The following ITIH2 variants were observed in gnomAD, a reference collection of about 807,000 sequenced individuals.
ITIH2 encodes inter-alpha-trypsin inhibitor heavy chain H2.
In ITIH2, 103 loss-of-function variants were observed where a neutral mutation model predicts 104.4. That is an observed-to-expected ratio of 0.99 (90% CI 0.84 to 1.16). The LOEUF is 1.16. ITIH2 is among the 50% of genes most tolerant of loss of function. The pLI, the probability that ITIH2 is intolerant of heterozygous loss-of-function variation, is 0.00. For synonymous variants in ITIH2, 436 were observed against 435.4 expected (o/e 1.00, Z -0.02); for missense variants, 1,108 against 1,162.4 (o/e 0.95, Z 0.68).
chr10:7,712,228 C>T (rs1338139476), intron 4 of ITIH2, among the ~76,000 whole-genome samples: 1 of 151,960 alleles, frequency 6.6e-6, no homozygotes, highest in Non-Finnish European at 1.5e-5. Context: ...ATCAAGATGC[C>T]CAAGGATTTC....
chr10:7,744,710 T>C, intron 18 of ITIH2, 81 bp from the exon 19 acceptor site: 1 of 1,180,988 alleles, frequency 8.5e-7, no homozygotes, highest in East Asian at 2.5e-5. Context: ...GAGTGAAGAG[T>C]TCATATTAGG....
intron 6 of ITIH2, among the ~76,000 whole-genome samples, chr10:7,720,580 A>C (rs1203548055): frequency 6.6e-6 from 1 of 152,180 alleles, no homozygotes; most frequent in Non-Finnish European, 1.5e-5. Flanking sequence ...GCTCTTATAA[A>C]TAAAAAGACT....
In ITIH2 at chr10:7,730,421, C is replaced by T. The variant is rs567620202; in HGVS notation, c.1461+288C>T. Among the ~76,000 whole-genome samples the T allele has an allele frequency of 2.6e-5, 4 of 152,344 alleles. No individual in the cohort carries two copies. In the South Asian group the frequency reaches 8.3e-4, roughly 32 times the overall value. Reference sequence around the variant, plus strand: ...CGTCATCAAAGCTCCTTGTAGCTCTCCTGCCCCACCAGCAATTGGTCTTCT... The same window carrying T: ...CGTCATCAAAGCTCCTTGTAGCTCTTCTGCCCCACCAGCAATTGGTCTTCT... On this transcript the variant is annotated intron_variant, in intron 12 of 20. Coordinates refer to ENST00000358415, the MANE Select transcript of ITIH2 (RefSeq NM_002216.3).
Position 7,707,206 on chromosome 10 carries a change from C to A in ITIH2, c.165C>A (p.Ser55Arg). 1.2e-6 allele frequency: 2 copies of A among 1,601,684 alleles called. No individual in the cohort carries two copies. The highest frequency in any genetic ancestry group is 2.2e-5 in the East Asian group (1 of 44,786). ...TGTCTAACTTCCTTTCACAGAGAAG[C>A]CTTCCAGGAGAATCGGAAGAAATGA... ...LVAENRRYQR[S>R]LPGESEEMME... Residue 55 changes from serine to arginine, a missense_variant, in exon 3 of 21, where the codon AGC (serine) becomes AGA (arginine). Physicochemically the swap from Ser to Arg is moderately radical, Grantham distance 110. Transcript: ENST00000358415.
Position 7,744,827 on chromosome 10 carries a change from T to G in ITIH2, c.2445T>G (p.Thr815=). Residue 815 remains threonine, a synonymous_variant, in exon 19 of 21, where the codon ACT becomes ACG. Transcript: ENST00000358415. ...CAGTGAAGAAAGAAAAAGTGGTAAC[T>G]ATCACCCTGGATAAAGAGATGTCCT... ...QISVKKEKVV[T]ITLDKEMSFS... is the part of the protein sequence containing the mutation. The G allele has an allele frequency of 6.2e-7, 1 of 1,614,110 alleles. No homozygotes were observed. Among genetic ancestry groups the G allele is most frequent in the South Asian group, 1.1e-5 (1 of 91,076 alleles).
intron 2 of ITIH2, 143 bp from the exon 3 acceptor site, chr10:7,707,058 T>G: frequency 2.0e-6 from 1 of 492,430 alleles, no homozygotes; most frequent in South Asian, 4.5e-5. Context: ...ATATTCAATA[T>G]TTATGTCTCA....
intron 6 of ITIH2, 151 bp downstream of exon 6, chr10:7,717,939 G>GACCACC: frequency 1.4e-6 from 1 of 719,472 alleles, no homozygotes; most frequent in South Asian, 2.3e-5. Context: ...TGGTGGGTTT[G>GACCACC]GAGTCAGCCA....
rs1369024364 is a variant in ITIH2 at position 7,744,105 on chromosome 10, G to T, written c.2233G>T (p.Val745Phe). 1 of 1,613,924 alleles carries T rather than the reference G, an allele frequency of 6.2e-7. No homozygotes were observed. The highest frequency in any genetic ancestry group is 8.5e-7 in the Non-Finnish European group (1 of 1,179,948). ...ESGIVVNGQL[V>F]GAKKPNNGKL... Reference sequence around the variant, plus strand: ...AGGAATTGTAGTCAACGGTCAGCTTGTTGGTGCCAAGAAGCCCAACAATGG... The same window carrying T: ...AGGAATTGTAGTCAACGGTCAGCTTTTTGGTGCCAAGAAGCCCAACAATGG... Residue 745 changes from valine (V) to phenylalanine (F), a missense_variant, in exon 18 of 21, where the codon GTT (valine) becomes TTT (phenylalanine). By Grantham distance (50) the Val-to-Phe change is conservative. Transcript: ENST00000358415.
intron 20 of ITIH2, 28 bp downstream of exon 20, chr10:7,746,732 G>A (rs755549213): frequency 9.2e-6 from 13 of 1,406,178 alleles, no homozygotes; most frequent in African/African-American, 4.2e-5. Flanking sequence ...GGACAGTGAC[G>A]AAAAGGCCTT....
In ITIH2 at chr10:7,709,052, T is replaced by C. The variant is rs1164622857; in HGVS notation, c.223T>C (p.Tyr75His). 1 of 1,614,120 alleles carries C rather than the reference T, an allele frequency of 6.2e-7. No individual in the cohort carries two copies. The highest frequency in any genetic ancestry group is 1.7e-5 in the Admixed American group (1 of 60,012). ...GGTTGATCAAGTAACTCTTTATAGC[T>C]ATAAAGTCCAGTCTACTATTACTTC... is the stretch of plus-strand genomic sequence containing the variant. ...EEVDQVTLYS[Y>H]KVQSTITSRM... Residue 75 changes from tyrosine to histidine, a missense_variant, in exon 4 of 21, where the codon TAT becomes CAT. Coordinates refer to ENST00000358415, the MANE Select transcript of ITIH2 (RefSeq NM_002216.3).
Position 7,744,243 on chromosome 10 carries a change from T to A in ITIH2, c.2371T>A (p.Leu791Met). 1 of 1,614,132 alleles carries A rather than the reference T, an allele frequency of 6.2e-7. No homozygotes were observed. The highest frequency in any genetic ancestry group is 8.5e-7 in the Non-Finnish European group (1 of 1,179,992). The stretch of plus-strand genomic sequence containing the variant: ...GAGCCATGGTTCTAGCACATTCTCC[T>A]TGTCCTGGTCCGACACGGCTCAAGT... ...TLSHGSSTFS[L>M]SWSDTAQVTN... Residue 791 changes from leucine to methionine, a missense_variant, in exon 18 of 21, where the codon TTG becomes ATG. By Grantham distance (15) the Leu-to-Met change is conservative. Coordinates refer to ENST00000358415, the MANE Select transcript of ITIH2 (RefSeq NM_002216.3).
intron 9 of ITIH2, 84 bp from the exon 10 acceptor site, chr10:7,726,866 C>A: frequency 8.6e-7 from 1 of 1,164,964 alleles, no homozygotes; most frequent in Non-Finnish European, 1.2e-6. Flanking sequence ...TGAAAGATGA[C>A]CAGGATCAAT....
chr10:7,708,948 T>A, intron 3 of ITIH2, 74 bp from the exon 4 acceptor site: 2 of 1,266,674 alleles, frequency 1.6e-6, no homozygotes, highest in Non-Finnish European at 2.3e-6. Context: ...GTTGTTAACA[T>A]CAAATGCACT....
chr10:7,731,873 A>G lies in ITIH2; in HGVS notation c.1524A>G (p.Thr508=), dbSNP rs34533278. 707 of 1,613,920 alleles carry G rather than the reference A, an allele frequency of 4.4e-4. 2 individuals carry two copies. In the Middle Eastern group the frequency reaches 5.4e-3, roughly 12 times the overall value. Residue 508 remains threonine, a synonymous_variant, in exon 13 of 21, where the codon ACA becomes ACG. Transcript: ENST00000358415. The part of the protein sequence containing the change: ...LRNVQFNYPH[T]SVTDVTQNNF... ...ATGTTCAGTTCAACTATCCCCATAC[A>G]TCAGTCACGGACGTCACTCAAAACA... is the stretch of plus-strand genomic sequence containing the variant.
At position 7,740,666 on chromosome 10, in the gene ITIH2, G is replaced by T. The variant is rs187529288; in HGVS notation, c.2095+1908G>T. 4.6e-5 allele frequency among the ~76,000 whole-genome samples: 7 copies of T among 152,314 alleles called. 1 individual carries two copies. The East Asian group carries it at 1.2e-3, about 25-fold the overall frequency. ...TCTCTTCTCTGTTGTATGATGTAGTGAAAAGGATGAGGACTTCAAAGTTAG... is the reference window on the plus strand; with the variant it reads ...TCTCTTCTCTGTTGTATGATGTAGTTAAAAGGATGAGGACTTCAAAGTTAG... On this transcript the variant is annotated intron_variant, in intron 16 of 20. Transcript: ENST00000358415.
At chr10:7,747,509 G>A (rs1029368284) in intron 20 of ITIH2, among the ~76,000 whole-genome samples, 3 of 152,262 alleles carry the variant, frequency 2.0e-5, no homozygotes, top group East Asian at 1.9e-4. Context: ...ATGAGGTACC[G>A]ACGGGAATCA....
At chr10:7,735,669 C>CTT (rs1835048138) in intron 15 of ITIH2, among the ~76,000 whole-genome samples, 1 of 144,008 alleles carries the variant, frequency 6.9e-6, no homozygotes, top group African/African-American at 2.6e-5. Flanking sequence ...CTTTTCTTTT[C>CTT]TTTTCTTTTT....
In ITIH2 at chr10:7,709,005, T is replaced by G; in HGVS notation, c.193-17T>G. 1 of 1,610,890 alleles carries G rather than the reference T, an allele frequency of 6.2e-7. No homozygotes were observed. The highest frequency in any genetic ancestry group is 8.5e-7 in the Non-Finnish European group (1 of 1,177,130). ...GATTTTTCTATCAGTACAGTTATGC[T>G]TTCTTGCCAATTTCAGGAAGAGGTT... On this transcript the variant is annotated splice_polypyrimidine_tract_variant and intron_variant, in intron 3 of 20. Transcript: ENST00000358415.
At chr10:7,721,096 A>G (rs183858776) in intron 7 of ITIH2, 133 bp downstream of exon 7, 23 of 632,336 alleles carry the variant, frequency 3.6e-5, no homozygotes, top group South Asian at 1.3e-4. Context: ...GGGATCCCCA[A>G]GTAGAGCCTA....
Sources: allele counts gnomAD v4.1 joint callset (sites outside exome capture counted in the v4.1 genomes callset), GRCh38; gene constraint gnomAD v4.1.1; transcripts MANE v1.5; gene names NCBI Gene and HGNC (gene_info 2026-07-23, HGNC 2026-07-21).